The following SYNDIG1 variants were observed in gnomAD, a reference collection of about 807,000 sequenced individuals.
SYNDIG1 encodes the protein synapse differentiation inducing 1.
SYNDIG1 carries 9 observed loss-of-function variants against 19.4 expected under a neutral mutation model. The observed-to-expected ratio is 0.46, with a 90% CI of 0.28 to 0.81. The LOEUF (loss-of-function observed/expected upper bound fraction) is 0.81. SYNDIG1 is among the 30% of genes least tolerant of loss of function. SYNDIG1 has a pLI of 0.12. For missense variants in SYNDIG1, 311 were observed against 343.3 expected (o/e 0.91, Z 0.74); for synonymous variants, 141 against 145.9 (o/e 0.97, Z 0.24).
At chr20:24,581,224 G>C (rs1053902351) in intron 2 of SYNDIG1, among the ~76,000 whole-genome samples, 1 of 152,176 alleles carries the variant, frequency 6.6e-6, no homozygotes, top group African/African-American at 2.4e-5. Flanking sequence ...TGGTTTGTGA[G>C]TGGACGTGTT....
At chr20:24,488,414 G>A (rs563249717) in intron 1 of SYNDIG1, among the ~76,000 whole-genome samples, 24 of 152,338 alleles carry the variant, frequency 1.6e-4, no homozygotes, top group Admixed American at 1.3e-3. Context: ...AGTGCTCCAC[G>A]TCTGTTTGTA....
chr20:24,515,767 G>A (rs1413536599), intron 1 of SYNDIG1, among the ~76,000 whole-genome samples: 3 of 152,140 alleles, frequency 2.0e-5, no homozygotes, highest in Non-Finnish European at 2.9e-5. Flanking sequence ...TAGTGCCCAA[G>A]GTAATTTATA....
At chr20:24,601,836 T>A (rs969299360) in intron 3 of SYNDIG1, among the ~76,000 whole-genome samples, 4 of 152,188 alleles carry the variant, frequency 2.6e-5, no homozygotes, top group Non-Finnish European at 5.9e-5. Context: ...TTAGAGTGGC[T>A]TTTCTTGTGG....
intron 2 of SYNDIG1, among the ~76,000 whole-genome samples, chr20:24,564,565 A>G (rs942076272): frequency 6.6e-6 from 1 of 151,988 alleles, no homozygotes; most frequent in African/African-American, 2.4e-5. Context: ...AATAATAAAA[A>G]GAGGTGCGTT....
In SYNDIG1 at chr20:24,543,405, G is replaced by A. The variant is rs1273527923; in HGVS notation, c.308G>A (p.Gly103Glu). 1.2e-6 allele frequency: 2 copies of A among 1,613,586 alleles called. No homozygotes were observed. The highest frequency in any genetic ancestry group is 1.3e-5 in the African/African-American group (1 of 74,924). Residue 103 changes from glycine (G) to glutamate (E), a missense_variant, in exon 2 of 4, where the codon GGG becomes GAG. Physicochemically the swap from Gly to Glu is moderately conservative, Grantham distance 98. Coordinates refer to ENST00000376862, the MANE Select transcript of SYNDIG1 (RefSeq NM_024893.3). ...TCAGAGGGCGTGCTGCGCTCCTGGG[G>A]GGACGGTGTGGCCGCCGACTGCTGC... is the stretch of plus-strand genomic sequence containing the variant. ...LYSEGVLRSW[G>E]DGVAADCCET...
intron 3 of SYNDIG1, among the ~76,000 whole-genome samples, chr20:24,652,900 C>T (rs1000039001): frequency 6.6e-6 from 1 of 152,206 alleles, no homozygotes; most frequent in Non-Finnish European, 1.5e-5. Flanking sequence ...ACAGCCACCC[C>T]CTGCTCATTA....
chr20:24,621,035 T>C (rs1010043266), intron 3 of SYNDIG1, among the ~76,000 whole-genome samples: 3 of 152,288 alleles, frequency 2.0e-5, no homozygotes, highest in Non-Finnish European at 2.9e-5. Flanking sequence ...CTAAGAATCT[T>C]GTGAATCTTC....
chr20:24,512,515 C>T (rs1343912498), intron 1 of SYNDIG1, among the ~76,000 whole-genome samples: 1 of 151,966 alleles, frequency 6.6e-6, no homozygotes, highest in Non-Finnish European at 1.5e-5. Flanking sequence ...CTCCGAGGGT[C>T]CCACGCCCAC....
In SYNDIG1 at chr20:24,543,051, T is replaced by C; in HGVS notation, c.-47T>C. ...TGGCTTCCCTGAGGCAAGTGTAACC[T>C]ACATTCCCAGCCCACCAGCCTGACG... is the stretch of plus-strand genomic sequence containing the variant. On this transcript the variant is annotated 5_prime_UTR_variant, in exon 2 of 4. Transcript: ENST00000376862. 1 of 1,584,924 alleles carries C rather than the reference T, an allele frequency of 6.3e-7. No individual in the cohort carries two copies. Among genetic ancestry groups the C allele is most frequent in the Non-Finnish European group, 8.6e-7 (1 of 1,162,676 alleles).
chr20:24,621,542 T>A (rs998964258), intron 3 of SYNDIG1, among the ~76,000 whole-genome samples: 1 of 152,220 alleles, frequency 6.6e-6, no homozygotes, highest in African/African-American at 2.4e-5. Flanking sequence ...GTCTGCTGGG[T>A]CTCATTTCTT....
Position 24,665,615 on chromosome 20 carries a change from G to C in SYNDIG1, c.*111G>C. The C allele has an allele frequency of 6.9e-7, 1 of 1,448,608 alleles. No individual in the cohort carries two copies. The highest frequency in any genetic ancestry group is 9.3e-7 in the Non-Finnish European group (1 of 1,072,102). 89.7% of individuals were successfully genotyped at this position (1,448,608 alleles called of 1,614,324 possible). ...ACAAATGATTGCCAAATGATGCCAC[G>C]AAGCCCTGGGATTTCCTACCCATGG... On this transcript the variant is annotated 3_prime_UTR_variant, in exon 4 of 4. Coordinates refer to ENST00000376862, the MANE Select transcript of SYNDIG1 (RefSeq NM_024893.3).
chr20:24,494,502 T>G (rs1236834830), intron 1 of SYNDIG1, among the ~76,000 whole-genome samples: 1 of 152,000 alleles, frequency 6.6e-6, no homozygotes, highest in Non-Finnish European at 1.5e-5. Context: ...GGTGGGTGAA[T>G]GGACAGGGCG....
intron 3 of SYNDIG1, among the ~76,000 whole-genome samples, chr20:24,621,646 T>C (rs766650723): frequency 2.6e-5 from 4 of 152,146 alleles, no homozygotes; most frequent in Non-Finnish European, 5.9e-5. Flanking sequence ...CATACCCTTT[T>C]CTGGAGTGCA....
chr20:24,563,927 G>T (rs1337130616), intron 2 of SYNDIG1, among the ~76,000 whole-genome samples: 1 of 152,022 alleles, frequency 6.6e-6, no homozygotes, highest in African/African-American at 2.4e-5. Flanking sequence ...TAGTTGGTTG[G>T]GGGGACAGAT....
chr20:24,476,941 C>T (rs2055645271), intron 1 of SYNDIG1, among the ~76,000 whole-genome samples: 1 of 152,190 alleles, frequency 6.6e-6, no homozygotes, highest in Non-Finnish European at 1.5e-5. Flanking sequence ...CATTGGTACA[C>T]TTGCTAATCT....
At chr20:24,546,373 T>C (rs1401114262) in intron 2 of SYNDIG1, among the ~76,000 whole-genome samples, 1 of 152,218 alleles carries the variant, frequency 6.6e-6, no homozygotes, top group Non-Finnish European at 1.5e-5. Context: ...CAACTCTTTC[T>C]TCAGCTTATG....
chr20:24,503,828 C>T (rs560365952), intron 1 of SYNDIG1, among the ~76,000 whole-genome samples: 4 of 152,314 alleles, frequency 2.6e-5, no homozygotes, highest in African/African-American at 9.6e-5. Flanking sequence ...CTTCTGGCTG[C>T]TTCCCTGCCA....
At chr20:24,522,092 A>G (rs1467589117) in intron 1 of SYNDIG1, among the ~76,000 whole-genome samples, 1 of 151,452 alleles carries the variant, frequency 6.6e-6, no homozygotes, top group Non-Finnish European at 1.5e-5. Flanking sequence ...TTTTCTTTTT[A>G]GAGATGGAGT....
chr20:24,643,615 T>C (rs6036858), intron 3 of SYNDIG1, among the ~76,000 whole-genome samples: 19,075 of 152,254 alleles, frequency 0.13, 2,238 homozygotes, highest in African/African-American at 0.3. Context: ...AGTGAGGTTG[T>C]TTCATAAATT....
Sources: gnomAD v4.1 joint callset for allele counts (sites outside exome capture counted in the v4.1 genomes callset) on GRCh38, gnomAD v4.1.1 for gene constraint, MANE v1.5 for transcripts, NCBI Gene and HGNC (gene_info 2026-07-23, HGNC 2026-07-21) for gene names.